Variants in STAM2 observed in about 807,000 individuals in gnomAD.
STAM2 encodes signal transducing adapter molecule 2.
Under a neutral mutation model 65.6 loss-of-function variants are expected in STAM2, and 51 were observed. The ratio of observed to expected loss-of-function variants is 0.78; its 90% CI spans 0.62 to 0.98. The LOEUF (loss-of-function observed/expected upper bound fraction) is 0.98, where lower values mean the gene tolerates loss of function less well. Ranked by LOEUF, STAM2 falls within the 50% of genes least tolerant of loss-of-function variation. The probability of loss-of-function intolerance (pLI) is 0.00; values close to 1 mark genes in which losing one functional copy is unlikely to be tolerated. For synonymous variants in STAM2, 198 were observed against 208.4 expected (o/e 0.95, Z 0.43); for missense variants, 584 against 617.8 (o/e 0.95, Z 0.58).
At chr2:152,127,934 G>C (rs1256311780) in intron 11 of STAM2, among the ~76,000 whole-genome samples, 1 of 152,076 alleles carries the variant, frequency 6.6e-6, no homozygotes, top group Non-Finnish European at 1.5e-5. Context: ...CATAAACACA[G>C]AGAGGCAACA....
At chr2:152,171,142 T>G (rs1006517829) in intron 1 of STAM2, among the ~76,000 whole-genome samples, 1 of 152,130 alleles carries the variant, frequency 6.6e-6, no homozygotes, top group Non-Finnish European at 1.5e-5. Context: ...ATTTATAGAG[T>G]GTTTAACTCG....
At chr2:152,152,357 G>A (rs1036111920) in intron 1 of STAM2, among the ~76,000 whole-genome samples, 16 of 152,046 alleles carry the variant, frequency 1.1e-4, no homozygotes, top group Non-Finnish European at 8.8e-5. Context: ...AGACTATCCT[G>A]GCTAACACGG....
intron 5 of STAM2, among the ~76,000 whole-genome samples, chr2:152,145,933 T>A (rs1049097195): frequency 1.3e-5 from 2 of 152,142 alleles, no homozygotes; most frequent in Non-Finnish European, 2.9e-5. Context: ...AAGACTCTTA[T>A]CTCAAAACGT....
At chr2:152,162,112 T>C (rs1689690274) in intron 1 of STAM2, among the ~76,000 whole-genome samples, 2 of 152,108 alleles carry the variant, frequency 1.3e-5, no homozygotes, top group African/African-American at 4.8e-5. Flanking sequence ...TGTGAACCAC[T>C]GTGCCCAGCC....
chr2:152,141,885 T>C (rs777320085), intron 7 of STAM2, among the ~76,000 whole-genome samples: 2 of 152,130 alleles, frequency 1.3e-5, no homozygotes, highest in Non-Finnish European at 1.5e-5. Context: ...CACCACGCCC[T>C]GCCAGCTCCA....
intron 1 of STAM2, among the ~76,000 whole-genome samples, chr2:152,151,688 C>A (rs772523681): frequency 6.6e-6 from 1 of 152,124 alleles, no homozygotes; most frequent in Non-Finnish European, 1.5e-5. Context: ...TATTCCCAGC[C>A]CTACGCAACC....
At chr2:152,132,700 G>T (rs1421897021) in intron 10 of STAM2, among the ~76,000 whole-genome samples, 2 of 151,990 alleles carry the variant, frequency 1.3e-5, no homozygotes, top group Non-Finnish European at 2.9e-5. Context: ...TATCCCAAAA[G>T]ATTTTTTTTA....
At chr2:152,140,890 T>C (rs1193916599) in intron 7 of STAM2, among the ~76,000 whole-genome samples, 1 of 151,918 alleles carries the variant, frequency 6.6e-6, no homozygotes, top group Non-Finnish European at 1.5e-5. Context: ...ATCCCAGCAC[T>C]GTGGGAGGCT....
chr2:152,133,561 G>T, intron 8 of STAM2, 77 bp from the exon 9 acceptor site: 3 of 1,081,316 alleles, frequency 2.8e-6, no homozygotes, highest in Non-Finnish European at 4.1e-6. Context: ...AGTGGCCTAT[G>T]ATTGTCCATA....
intron 1 of STAM2, among the ~76,000 whole-genome samples, chr2:152,165,690 G>A (rs910409948): frequency 2.0e-5 from 3 of 152,094 alleles, no homozygotes; most frequent in African/African-American, 7.2e-5. Flanking sequence ...CTTTGGAGTA[G>A]TTCACCTCCA....
chr2:152,126,495 T>C (rs1317612852), intron 11 of STAM2, 116 bp from the exon 12 acceptor site: 5 of 585,834 alleles, frequency 8.5e-6, no homozygotes, highest in South Asian at 6.7e-5. Context: ...GGCTTTTTTA[T>C]ATTTAATGAA....
intron 1 of STAM2, among the ~76,000 whole-genome samples, chr2:152,152,538 G>A: frequency 6.7e-6 from 1 of 150,176 alleles, no homozygotes; most frequent in East Asian, 2.0e-4. Flanking sequence ...GACAGAGTGA[G>A]ACTCTGTCTC....
At position 152,159,106 on chromosome 2, in the gene STAM2, T is replaced by TAA. The variant is rs1402684783; in HGVS notation, c.41-8878_41-8877insTT. Among the ~76,000 whole-genome samples the TAA allele has an allele frequency of 3.6e-5, 5 of 139,554 alleles. No homozygotes were observed. The East Asian group carries it at 1.2e-3, about 34-fold the overall frequency. The allele number at this position is 139,554 out of a possible 152,430, so 91.6% of individuals were successfully genotyped here. A position where few individuals can be genotyped will look rare whatever the true frequency, so the allele number is the denominator to read the frequency against. The stretch of plus-strand genomic sequence containing the variant: ...GCCAAAAAAAAACCATATATATATA[T>TAA]ATATACACACACAGATATATATAAT... On this transcript the variant is annotated intron_variant, in intron 1 of 13. Coordinates refer to ENST00000263904, the MANE Select transcript of STAM2 (RefSeq NM_005843.6).
intron 13 of STAM2, among the ~76,000 whole-genome samples, chr2:152,121,840 C>T (rs181328249): frequency 1.7e-3 from 251 of 152,010 alleles, no homozygotes; most frequent in Non-Finnish European, 3.1e-3. Flanking sequence ...GTCAGGAGAT[C>T]GAGACCATCC....
chr2:152,136,231 T>C (rs1294888276), intron 7 of STAM2, among the ~76,000 whole-genome samples: 2 of 151,842 alleles, frequency 1.3e-5, no homozygotes, highest in Non-Finnish European at 2.9e-5. Flanking sequence ...TCACCTGAGG[T>C]CAGGAGTTCG....
intron 1 of STAM2, among the ~76,000 whole-genome samples, chr2:152,155,810 C>A (rs534558930): frequency 6.6e-6 from 1 of 152,284 alleles, no homozygotes; most frequent in African/African-American, 2.4e-5. Flanking sequence ...ACATGTAAAT[C>A]TTTAATGTAT....
rs12617139 is a variant in STAM2, at chr2:152,143,823, T to A, written c.704+4A>T. 856,992 of 1,601,864 alleles carry A rather than the reference T, an allele frequency of 0.53. 237,608 individuals carry two copies. Among genetic ancestry groups the A allele is most frequent in the East Asian group, 0.88 (39,285 of 44,604 alleles). The stretch of plus-strand genomic sequence containing the variant: ...AAACCTTCCCATAAAGATTTAAAAC[T>A]TACCTGTCATCCAAAACAATAATTA... On this transcript the variant is annotated splice_donor_region_variant and intron_variant, in intron 7 of 13. Transcript: ENST00000263904.
At chr2:152,162,096 T>C (rs1689689014) in intron 1 of STAM2, among the ~76,000 whole-genome samples, 1 of 152,204 alleles carries the variant, frequency 6.6e-6, no homozygotes, top group South Asian at 2.1e-4. Context: ...GTGCTGGGAT[T>C]ACAGGTGTGA....
intron 7 of STAM2, among the ~76,000 whole-genome samples, chr2:152,136,795 T>C (rs13031165): frequency 1.3e-5 from 2 of 152,114 alleles, no homozygotes; most frequent in Non-Finnish European, 1.5e-5. Context: ...AAAGATAAGG[T>C]AATGATCATC....
Sources: allele counts gnomAD v4.1 joint callset (sites outside exome capture counted in the v4.1 genomes callset), GRCh38; gene constraint gnomAD v4.1.1; transcripts MANE v1.5; gene names NCBI Gene and HGNC (gene_info 2026-07-23, HGNC 2026-07-21).